Variants in SFI1 observed in about 807,000 individuals in gnomAD.
SFI1 encodes the protein protein SFI1 homolog.
In SFI1, 195 loss-of-function variants were observed where a neutral mutation model predicts 207.5. That is an observed-to-expected ratio of 0.94 (90% CI 0.84 to 1.06). SFI1 has a LOEUF of 1.06. Among genes scored for constraint, SFI1 ranks in the 50% least tolerant of loss-of-function variants. The probability of loss-of-function intolerance (pLI) is 0.00; values close to 1 mark genes in which losing one functional copy is unlikely to be tolerated. For missense variants in SFI1, 1,634 were observed against 1,588.0 expected, an observed-to-expected ratio of 1.03 and a Z score of -0.49; for synonymous variants, 630 against 598.9, an observed-to-expected ratio of 1.05 and a Z score of -0.76.
intron 1 of SFI1, among the ~76,000 whole-genome samples, chr22:31,497,764 A>C (rs2052964459): frequency 6.6e-6 from 1 of 152,220 alleles, no homozygotes; most frequent in South Asian, 2.1e-4. Context: ...ATGTCTTTAC[A>C]TCATATTTAC....
chr22:31,585,219 T>C (rs2064871079), intron 14 of SFI1, 85 bp downstream of exon 14: 1 of 1,178,622 alleles, frequency 8.5e-7, no homozygotes, highest in Non-Finnish European at 1.2e-6. Context: ...AAAAGACCTA[T>C]GCCAAGAAGT....
chr22:31,500,947 C>T (rs943670788), intron 1 of SFI1, among the ~76,000 whole-genome samples: 2 of 151,148 alleles, frequency 1.3e-5, no homozygotes, highest in Non-Finnish European at 2.9e-5. Context: ...TTACAGGTGC[C>T]CACCACCACC....
intron 27 of SFI1, chr22:31,614,270 T>C (rs1223602396): frequency 4.4e-5 from 14 of 317,150 alleles, no homozygotes; most frequent in African/African-American, 8.5e-5. Context: ...AGCCCCTCTT[T>C]CTTGTGTGAG....
At chr22:31,615,356 C>T in intron 29 of SFI1, 77 bp downstream of exon 29, 1 of 1,305,176 alleles carries the variant, frequency 7.7e-7, no homozygotes, top group Non-Finnish European at 1.0e-6. Context: ...CATGCCACAG[C>T]TGTACTAGTT....
chr22:31,607,480 G>C, intron 21 of SFI1, among the ~76,000 whole-genome samples: 1 of 151,866 alleles, frequency 6.6e-6, no homozygotes, highest in Non-Finnish European at 1.5e-5. Context: ...GTGCATGCCT[G>C]TAATCCCAGC....
rs1046020524 is a variant in SFI1, at chr22:31,564,188, G to A, written c.765+2796G>A. Among the ~76,000 whole-genome samples the A allele has an allele frequency of 4.6e-5, 7 of 151,534 alleles. 1 individual carries two copies. In the South Asian group the frequency reaches 1.3e-3, roughly 27 times the overall value. ...TAAAAATACAAAAAATTAGCCGGGC[G>A]TGGTGGTGGGTGCCTGTAGTCCCAG... On this transcript the variant is annotated intron_variant, in intron 8 of 32. Coordinates refer to ENST00000400288, the MANE Select transcript of SFI1 (RefSeq NM_001007467.3).
In SFI1 at chr22:31,590,881, A is replaced by C. The variant is rs1238458990; in HGVS notation, c.1544+1304A>C. 2.7e-5 allele frequency among the ~76,000 whole-genome samples: 4 copies of C among 148,534 alleles called. 1 individual carries two copies. The highest frequency in any genetic ancestry group is 6.0e-5 in the Non-Finnish European group (4 of 66,818). On this transcript the variant is annotated intron_variant, in intron 15 of 32. Transcript: ENST00000400288. ...ATTTTTATTTTTATATATATTTTTA[A>C]ATTTGAATTGCTTCTCTCTTTTTCT... is the stretch of plus-strand genomic sequence containing the variant.
At chr22:31,597,307 A>G (rs560192035) in intron 15 of SFI1, among the ~76,000 whole-genome samples, 1 of 152,332 alleles carries the variant, frequency 6.6e-6, no homozygotes, top group Non-Finnish European at 1.5e-5. Flanking sequence ...GAGACAGGGT[A>G]TAGCCAGGAG....
intron 2 of SFI1, among the ~76,000 whole-genome samples, chr22:31,514,392 C>A (rs912944231): frequency 4.0e-5 from 6 of 150,794 alleles, no homozygotes; most frequent in Admixed American, 1.3e-4. Context: ...CCTGTAGTCC[C>A]AGCTACTTGG....
At chr22:31,509,694 G>T (rs530280805) in intron 2 of SFI1, among the ~76,000 whole-genome samples, 2 of 152,248 alleles carry the variant, frequency 1.3e-5, no homozygotes, top group East Asian at 3.9e-4. Context: ...CAATCAAGTT[G>T]ACACTTAACA....
chr22:31,578,488 C>A, intron 11 of SFI1, 36 bp downstream of exon 11: 1 of 1,595,910 alleles, frequency 6.3e-7, no homozygotes, highest in Non-Finnish European at 8.6e-7. Flanking sequence ...GTCCGCTTGG[C>A]AGCCTTGCTT....
At position 31,604,383 on chromosome 22, in the gene SFI1, C is replaced by A; in HGVS notation, c.1956C>A (p.His652Gln). The change falls in exon 19 of 33, where the codon CAC becomes CAA. Residue 652 changes from histidine to glutamine, a missense_variant. His to Gln is a conservative substitution (Grantham distance 24). Transcript: ENST00000400288. ...ADLHHQHSVL[H>Q]RALQAWVTYQ... is the part of the protein sequence containing the mutation. ...TGCACCACCAGCACAGCGTGCTGCA[C>A]AGGGCGCTGCAGGCATGGGTGGTAG... 1 of 1,551,834 alleles carries A rather than the reference C, an allele frequency of 6.4e-7. No homozygotes were observed. The highest frequency in any genetic ancestry group is 8.7e-7 in the Non-Finnish European group (1 of 1,151,704).
chr22:31,583,807 TG>T, intron 12 of SFI1, 67 bp from the exon 13 acceptor site: 1 of 1,386,894 alleles, frequency 7.2e-7, no homozygotes, highest in East Asian at 2.3e-5. Flanking sequence ...CACAGTCTGT[TG>T]GAGTAAGGAT....
intron 8 of SFI1, among the ~76,000 whole-genome samples, chr22:31,567,110 T>C (rs930190988): frequency 6.6e-6 from 1 of 152,162 alleles, no homozygotes; most frequent in Admixed American, 6.5e-5. Context: ...TTTCACCGTG[T>C]TAGCCAGGAT....
rs759065108 is a variant in SFI1 at position 31,613,607 on chromosome 22, TCA to T, written c.2751_2752del (p.His917GlnfsTer39). 26 of 1,581,544 alleles carry T rather than the reference TCA, an allele frequency of 1.6e-5. 1 individual carries two copies. The African/African-American group carries it at 2.5e-4, about 16-fold the overall frequency. On this transcript the variant is annotated frameshift_variant, in exon 27 of 33. Transcript: ENST00000400288. LOFTEE classifies it high-confidence loss of function. ...LQAQQQVQAA[H>X]SLHRAVRRCA... ...GACCAGAGGCTGTGTTGTAGGCGGC[TCA>T]CAGTCTCCATCGTGCCGTCCGCCGC...
intron 4 of SFI1, among the ~76,000 whole-genome samples, chr22:31,541,318 A>T (rs2059466371): frequency 6.6e-6 from 1 of 151,922 alleles, no homozygotes; most frequent in African/African-American, 2.4e-5. Context: ...CTTGTCTGTC[A>T]CCCTTTCTCC....
At chr22:31,545,038 C>T (rs1366176151) in intron 4 of SFI1, among the ~76,000 whole-genome samples, 1 of 152,046 alleles carries the variant, frequency 6.6e-6, no homozygotes, top group Admixed American at 6.6e-5. Flanking sequence ...TAGCTGACAC[C>T]ACAGGTGCGT....
intron 13 of SFI1, 131 bp downstream of exon 13, chr22:31,584,103 C>A: frequency 1.4e-6 from 1 of 734,838 alleles, no homozygotes; most frequent in Non-Finnish European, 2.3e-6. Flanking sequence ...GGTGGAGGTC[C>A]TGCTGTAAAC....
chr22:31,588,853 A>G (rs1427288137), intron 14 of SFI1, among the ~76,000 whole-genome samples: 1 of 151,788 alleles, frequency 6.6e-6, no homozygotes, highest in Non-Finnish European at 1.5e-5. Context: ...ACAAAAACAT[A>G]AAACCTCTAT....
Sources: allele counts gnomAD v4.1 joint callset (sites outside exome capture counted in the v4.1 genomes callset), GRCh38; gene constraint gnomAD v4.1.1; transcripts MANE v1.5; gene names NCBI Gene and HGNC (gene_info 2026-07-23, HGNC 2026-07-21).